The following NGEF variants were observed in gnomAD, a reference collection of about 807,000 sequenced individuals.
The protein encoded by NGEF is ephexin-1.
NGEF carries 31 observed loss-of-function variants against 80.9 expected under a neutral mutation model. That is an observed-to-expected ratio of 0.38 (90% CI 0.29 to 0.52). The LOEUF (loss-of-function observed/expected upper bound fraction) is 0.52. Among genes scored for constraint, NGEF ranks in the 20% least tolerant of loss-of-function variants. The pLI is 0.84. For missense variants in NGEF, 709 were observed against 926.2 expected (o/e 0.77, Z 3.04); for synonymous variants, 371 against 370.2 (o/e 1.00, Z -0.03).
intron 5 of NGEF, among the ~76,000 whole-genome samples, chr2:232,900,794 T>TCA (rs1224972508): frequency 4.0e-5 from 6 of 151,518 alleles, no homozygotes; most frequent in Non-Finnish European, 8.8e-5. Context: ...ACACATTCAC[T>TCA]CACACACACA....
chr2:232,922,294 C>T (rs1159577216), intron 4 of NGEF, among the ~76,000 whole-genome samples: 1 of 152,152 alleles, frequency 6.6e-6, no homozygotes, highest in Non-Finnish European at 1.5e-5. Context: ...CTGAATGAGG[C>T]TGGAGAAATT....
chr2:232,933,729 G>C (rs760644474), intron 3 of NGEF, among the ~76,000 whole-genome samples: 1 of 152,230 alleles, frequency 6.6e-6, no homozygotes, highest in Non-Finnish European at 1.5e-5. Context: ...GCTTTTTCAA[G>C]TGCTGTTCCC....
chr2:232,947,173 C>T (rs941302123), intron 3 of NGEF, among the ~76,000 whole-genome samples: 2 of 152,170 alleles, frequency 1.3e-5, no homozygotes, highest in African/African-American at 4.8e-5. Context: ...AGCAATCTGG[C>T]AACTTCCAAA....
At chr2:232,936,892 G>A (rs548540716) in intron 3 of NGEF, among the ~76,000 whole-genome samples, 8 of 152,302 alleles carry the variant, frequency 5.3e-5, no homozygotes, top group South Asian at 2.1e-4. Context: ...AAACTCTGCC[G>A]TTCATGTCAA....
chr2:232,980,537 C>T (rs1694391373), intron 1 of NGEF, among the ~76,000 whole-genome samples: 1 of 151,832 alleles, frequency 6.6e-6, no homozygotes, highest in Non-Finnish European at 1.5e-5. Context: ...CTTGCTCTGT[C>T]GCCTAGGCTG....
At chr2:232,915,102 A>G (rs1278529376) in intron 5 of NGEF, among the ~76,000 whole-genome samples, 2 of 151,914 alleles carry the variant, frequency 1.3e-5, no homozygotes, top group Non-Finnish European at 2.9e-5. Flanking sequence ...AAGTAACCCC[A>G]GACCCTCCTG....
At chr2:232,908,871 G>T (rs574072548) in intron 5 of NGEF, among the ~76,000 whole-genome samples, 20 of 151,654 alleles carry the variant, frequency 1.3e-4, no homozygotes, top group Non-Finnish European at 2.6e-4. Context: ...CTTTCTAATT[G>T]ACTGAAATCT....
intron 3 of NGEF, among the ~76,000 whole-genome samples, chr2:232,963,812 CA>C (rs1050124558): frequency 4.1e-5 from 6 of 147,586 alleles, no homozygotes; most frequent in African/African-American, 1.0e-4. Context: ...GACTCCATCT[CA>C]AAAAAAAAGA....
chr2:232,977,924 T>C (rs972472733), intron 1 of NGEF, among the ~76,000 whole-genome samples: 2 of 152,046 alleles, frequency 1.3e-5, no homozygotes, highest in Non-Finnish European at 2.9e-5. Context: ...GCTGGCCCCC[T>C]GTTTGTTGTG....
rs570053421 is a variant in NGEF, at chr2:232,895,014, G to A, written c.829-98C>T. 33 of 1,371,738 alleles carry A rather than the reference G, an allele frequency of 2.4e-5. No homozygotes were observed. The African/African-American group carries it at 3.8e-4, about 16-fold the overall frequency. The allele number at this position is 1,371,738 out of a possible 1,614,324, so 85.0% of individuals were successfully genotyped here. A position where few individuals can be genotyped will look rare whatever the true frequency, so the allele number is the denominator to read the frequency against. On this transcript the variant is annotated intron_variant, in intron 5 of 14. Coordinates refer to ENST00000264051, the MANE Select transcript of NGEF (RefSeq NM_019850.3). ...GAGGAGCAGAGGGAGGCTCAGCAGG[G>A]AGTTGAAAGGGAAAAATCGCCTGCT... is the stretch of plus-strand genomic sequence containing the variant.
At chr2:232,949,031 A>C (rs78897645) in intron 3 of NGEF, among the ~76,000 whole-genome samples, 2,225 of 107,320 alleles carry the variant, frequency 0.021, 71 homozygotes, top group East Asian at 0.15. Flanking sequence ...AAAACCCCCC[A>C]AAAAAAACAA....
intron 5 of NGEF, among the ~76,000 whole-genome samples, chr2:232,907,264 C>T (rs1692589026): frequency 2.7e-5 from 4 of 148,976 alleles, no homozygotes; most frequent in Admixed American, 2.7e-4. Flanking sequence ...ACTGATTAAG[C>T]CTACCAAAAG....
chr2:232,889,215 C>A (rs1300599257), intron 8 of NGEF, among the ~76,000 whole-genome samples: 1 of 152,236 alleles, frequency 6.6e-6, no homozygotes, highest in Non-Finnish European at 1.5e-5. Flanking sequence ...CTGAACAGCA[C>A]GGTTTAGACG....
At chr2:232,969,244 G>A (rs1694131364) in intron 3 of NGEF, among the ~76,000 whole-genome samples, 1 of 151,026 alleles carries the variant, frequency 6.6e-6, no homozygotes, top group Non-Finnish European at 1.5e-5. Flanking sequence ...AAGCACATTT[G>A]CAACATAATA....
chr2:232,965,426 A>G (rs758272106), intron 3 of NGEF, among the ~76,000 whole-genome samples: 21 of 152,216 alleles, frequency 1.4e-4, no homozygotes, highest in Non-Finnish European at 2.8e-4. Context: ...ATGAGAAGAC[A>G]GTGACACAGA....
At chr2:232,942,702 C>A (rs761374937) in intron 3 of NGEF, among the ~76,000 whole-genome samples, 3 of 151,774 alleles carry the variant, frequency 2.0e-5, no homozygotes, top group Non-Finnish European at 1.5e-5. Context: ...TGGTGAAACC[C>A]CGTCTCTACT....
chr2:232,975,810 T>TG (rs1694279889), intron 1 of NGEF, among the ~76,000 whole-genome samples: 1 of 152,124 alleles, frequency 6.6e-6, no homozygotes, highest in South Asian at 2.1e-4. Flanking sequence ...GCTTGAAACC[T>TG]GGGGTCACAT....
chr2:232,916,776 T>C (rs559670627), intron 5 of NGEF, among the ~76,000 whole-genome samples: 3 of 152,332 alleles, frequency 2.0e-5, no homozygotes, highest in African/African-American at 7.2e-5. Flanking sequence ...TGAATGGCAA[T>C]TGGGCAGAGT....
intron 1 of NGEF, among the ~76,000 whole-genome samples, chr2:233,009,426 C>T (rs1358094577): frequency 2.0e-5 from 3 of 152,102 alleles, no homozygotes; most frequent in Non-Finnish European, 4.4e-5. Flanking sequence ...ATTTGCGATC[C>T]TCCCACCTCA....
Sources: allele counts gnomAD v4.1 joint callset (sites outside exome capture counted in the v4.1 genomes callset), GRCh38; gene constraint gnomAD v4.1.1; transcripts MANE v1.5; gene names NCBI Gene and HGNC (gene_info 2026-07-23, HGNC 2026-07-21).